The following SIPA1L2 variants were observed in gnomAD, a reference collection of about 807,000 sequenced individuals.
SIPA1L2 encodes signal induced proliferation associated 1 like 2, also known as signal-induced proliferation-associated 1-like protein 2.
Under a neutral mutation model 163.9 loss-of-function variants are expected in SIPA1L2, and 56 were observed. That is an observed-to-expected ratio of 0.34 (90% CI 0.28 to 0.43). The LOEUF is 0.43. Ranked by LOEUF, SIPA1L2 falls within the 20% of genes least tolerant of loss-of-function variation. The probability of loss-of-function intolerance (pLI) is 1.00; values close to 1 mark genes in which losing one functional copy is unlikely to be tolerated. For missense variants in SIPA1L2, 1,974 were observed against 2,193.5 expected (o/e 0.90, Z 2.00); for synonymous variants, 877 against 865.7 (o/e 1.01, Z -0.23).
chr1:232,560,056 A>G (rs969390051), intron 2 of SIPA1L2, among the ~76,000 whole-genome samples: 5 of 152,224 alleles, frequency 3.3e-5, no homozygotes, highest in African/African-American at 7.2e-5. Flanking sequence ...TCTCACACAC[A>G]GAACTGTTGG....
intron 9 of SIPA1L2, 126 bp downstream of exon 9, chr1:232,464,708 CTCTGTA>C (rs1424439691): frequency 1.5e-5 from 11 of 732,354 alleles, no homozygotes; most frequent in Non-Finnish European, 2.1e-6. Context: ...TAAAATTAAG[CTCTGTA>C]TCTGTAACAA....
chr1:232,448,097 ACAGCTTTCC>A (rs1487951621), intron 10 of SIPA1L2, among the ~76,000 whole-genome samples: 1 of 152,200 alleles, frequency 6.6e-6, no homozygotes, highest in African/African-American at 2.4e-5. Context: ...CACAGGCTAG[ACAGCTTTCC>A]CATGTGCTCA....
chr1:232,512,826 A>G (rs114612809), intron 3 of SIPA1L2, among the ~76,000 whole-genome samples: 1,774 of 152,290 alleles, frequency 0.012, 31 homozygotes, highest in African/African-American at 0.04. Flanking sequence ...AATAAATAAA[A>G]GTACAGTGAG....
intron 3 of SIPA1L2, among the ~76,000 whole-genome samples, chr1:232,504,316 A>G (rs1666621611): frequency 1.3e-5 from 2 of 152,230 alleles, no homozygotes; most frequent in Admixed American, 6.5e-5. Context: ...AGGCAGGTGG[A>G]TCACTTGAGG....
chr1:232,599,402 C>G (rs1661469384), intron 1 of SIPA1L2, among the ~76,000 whole-genome samples: 1 of 152,244 alleles, frequency 6.6e-6, no homozygotes, highest in Admixed American at 6.5e-5. Flanking sequence ...AAGATGCTGA[C>G]TGCTCCTCAG....
At chr1:232,539,701 C>T (rs1370029213) in intron 2 of SIPA1L2, among the ~76,000 whole-genome samples, 2 of 152,216 alleles carry the variant, frequency 1.3e-5, no homozygotes, top group Non-Finnish European at 2.9e-5. Context: ...CCCAGGCCCA[C>T]CCTCCAGAAC....
chr1:232,507,259 T>C (rs1573000151), intron 3 of SIPA1L2, among the ~76,000 whole-genome samples: 1 of 151,980 alleles, frequency 6.6e-6, no homozygotes, highest in Non-Finnish European at 1.5e-5. Flanking sequence ...CAGAATGTCC[T>C]TCATTTGGAA....
At chr1:232,548,800 A>T (rs1426266479) in intron 2 of SIPA1L2, among the ~76,000 whole-genome samples, 1 of 152,128 alleles carries the variant, frequency 6.6e-6, no homozygotes, top group Non-Finnish European at 1.5e-5. Flanking sequence ...CACATCACAG[A>T]AGGATGGCAT....
At chr1:232,607,998 T>TGAGCC (rs1303825904) in intron 1 of SIPA1L2, among the ~76,000 whole-genome samples, 1 of 128,178 alleles carries the variant, frequency 7.8e-6, no homozygotes, top group African/African-American at 3.1e-5. Flanking sequence ...GAGGTTGCGG[T>TGAGCC]GAGCCGAGAT....
Position 232,629,915 on chromosome 1 carries a change from G to T in SIPA1L2, c.-365C>A, listed in dbSNP as rs1663296114. Among the ~76,000 whole-genome samples, 1 of 151,076 alleles carries T rather than the reference G, an allele frequency of 6.6e-6. No individual in the cohort carries two copies. The highest frequency in any genetic ancestry group is 2.1e-4 in the South Asian group (1 of 4,830). On this transcript the variant is annotated 5_prime_UTR_variant, in exon 1 of 23. Coordinates refer to ENST00000674635, the MANE Select transcript of SIPA1L2 (RefSeq NM_020808.5). ...AACCTGCTACAGCCTGTGCGCGCCG[G>T]GCGGCGCGTACCCGGGCTGCCGCCT...
chr1:232,545,578 T>C (rs1297180269), intron 2 of SIPA1L2, among the ~76,000 whole-genome samples: 2 of 152,248 alleles, frequency 1.3e-5, no homozygotes, highest in Non-Finnish European at 2.9e-5. Flanking sequence ...TTGGGCTGTT[T>C]TTCCTACTAA....
rs1664487224 is a variant in SIPA1L2 at position 232,465,902 on chromosome 1, C to T, written c.2244-486G>A. Among the ~76,000 whole-genome samples the T allele has an allele frequency of 3.3e-5, 5 of 151,716 alleles. No individual in the cohort carries two copies. In the South Asian group the frequency reaches 1.0e-3, roughly 32 times the overall value. ...ACAGAAAGAAGACCATGTGAAGACA[C>T]AAGGAGAAGACGGCCATCCATAAGC... On this transcript the variant is annotated intron_variant, in intron 8 of 22. Transcript: ENST00000674635. The surrounding 1 kb of genome is among the most constrained non-coding windows in gnomAD (Gnocchi z 4.1).
chr1:232,458,419 C>T (rs1172172449), intron 10 of SIPA1L2, among the ~76,000 whole-genome samples: 2 of 152,126 alleles, frequency 1.3e-5, no homozygotes, highest in Admixed American at 6.5e-5. Context: ...TTCAATATTT[C>T]GTAGAAAATT....
chr1:232,484,005 A>G, intron 5 of SIPA1L2, 39 bp from the exon 6 acceptor site: 1 of 1,569,384 alleles, frequency 6.4e-7, no homozygotes, highest in South Asian at 1.2e-5. Flanking sequence ...GGCAAAGCAT[A>G]TCAGACAAGC....
intron 8 of SIPA1L2, among the ~76,000 whole-genome samples, chr1:232,470,891 T>C (rs1034810135): frequency 6.6e-6 from 1 of 152,116 alleles, no homozygotes; most frequent in African/African-American, 2.4e-5. Context: ...AGTCTGAGAG[T>C]AGTGGTTAAG....
At chr1:232,527,504 T>C (rs1046578858) in intron 2 of SIPA1L2, among the ~76,000 whole-genome samples, 3 of 152,176 alleles carry the variant, frequency 2.0e-5, no homozygotes, top group African/African-American at 7.2e-5. Context: ...TTGGAATGTT[T>C]CAAGTATGAA....
intron 1 of SIPA1L2, among the ~76,000 whole-genome samples, chr1:232,623,839 G>T (rs868053432): frequency 6.6e-6 from 1 of 151,840 alleles, no homozygotes; most frequent in Non-Finnish European, 1.5e-5. Context: ...TCTTCCGCTT[G>T]CCTCACAAGA....
intron 1 of SIPA1L2, among the ~76,000 whole-genome samples, chr1:232,611,071 TGTG>T (rs1196198459): frequency 1.9e-4 from 29 of 152,136 alleles, no homozygotes; most frequent in African/African-American, 7.0e-4. Flanking sequence ...ATCCTGTTCT[TGTG>T]GTAGTGAGTA....
At chr1:232,603,966 T>C (rs1457308515) in intron 1 of SIPA1L2, among the ~76,000 whole-genome samples, 2 of 152,148 alleles carry the variant, frequency 1.3e-5, no homozygotes, top group East Asian at 1.9e-4. Flanking sequence ...TTCACAGAAG[T>C]GGACATCATA....
Sources: gnomAD v4.1 joint callset for allele counts (sites outside exome capture counted in the v4.1 genomes callset) on GRCh38, gnomAD v4.1.1 for gene constraint, Gnocchi (gnomAD v3.1) non-coding constraint, MANE v1.5 for transcripts, NCBI Gene and HGNC (gene_info 2026-07-23, HGNC 2026-07-21) for gene names.